Variants in PRKG1 observed in about 807,000 individuals in gnomAD.
PRKG1 encodes the protein protein kinase cGMP-dependent 1.
PRKG1 carries 35 observed loss-of-function variants against 88.1 expected under a neutral mutation model. The observed-to-expected ratio is 0.40, with a 90% CI of 0.30 to 0.53. The LOEUF (loss-of-function observed/expected upper bound fraction) is 0.53, where lower values mean the gene tolerates loss of function less well. Among genes scored for constraint, PRKG1 ranks in the 20% least tolerant of loss-of-function variants. The pLI, the probability that PRKG1 is intolerant of heterozygous loss-of-function variation, is 0.59. For synonymous variants in PRKG1, 303 were observed against 292.5 expected, an observed-to-expected ratio of 1.04 and a Z score of -0.37; for missense variants, 540 against 839.8, an observed-to-expected ratio of 0.64 and a Z score of 4.41.
intron 9 of PRKG1, among the ~76,000 whole-genome samples, chr10:52,172,537 G>A (rs991044739): frequency 4.6e-5 from 7 of 152,082 alleles, no homozygotes; most frequent in African/African-American, 1.7e-4. Flanking sequence ...CCTATTTACA[G>A]TACAGTACTT....
intron 4 of PRKG1, among the ~76,000 whole-genome samples, chr10:51,825,349 T>C (rs892139797): frequency 5.3e-5 from 8 of 152,186 alleles, no homozygotes; most frequent in Non-Finnish European, 1.0e-4. Context: ...TCTCCTGTTA[T>C]CTGATCTTTG....
At chr10:51,138,306 A>T (rs1033229885) in intron 1 of PRKG1, among the ~76,000 whole-genome samples, 1 of 152,200 alleles carries the variant, frequency 6.6e-6, no homozygotes, top group African/African-American at 2.4e-5. Flanking sequence ...TGGTGCAGTC[A>T]TTCTTCTGAA....
At chr10:51,596,604 A>G (rs1393362715) in intron 3 of PRKG1, among the ~76,000 whole-genome samples, 1 of 152,098 alleles carries the variant, frequency 6.6e-6, no homozygotes, top group Non-Finnish European at 1.5e-5. Context: ...TTTATTTCTC[A>G]GTAGGTTTAT....
At chr10:51,647,164 A>C (rs1197922999) in intron 3 of PRKG1, among the ~76,000 whole-genome samples, 1 of 151,842 alleles carries the variant, frequency 6.6e-6, no homozygotes, top group East Asian at 1.9e-4. Flanking sequence ...AAAAAAAAAA[A>C]AAACTGGGGT....
intron 3 of PRKG1, among the ~76,000 whole-genome samples, chr10:51,497,338 A>T (rs1407732322): frequency 1.3e-5 from 2 of 152,184 alleles, no homozygotes; most frequent in Admixed American, 6.5e-5. Context: ...CAATCATTTG[A>T]TAAACACTAA....
chr10:51,428,354 G>C (rs1361742357), intron 2 of PRKG1, among the ~76,000 whole-genome samples: 1 of 152,132 alleles, frequency 6.6e-6, no homozygotes. Context: ...CCAAAGTTTA[G>C]CTTCTTGGAA....
chr10:51,005,043 G>A (rs1006636481), intron 1 of PRKG1, among the ~76,000 whole-genome samples: 3 of 152,016 alleles, frequency 2.0e-5, no homozygotes. Context: ...CCTCGGTAGA[G>A]ATTTCATTTC....
In PRKG1 at chr10:51,742,932, C is replaced by A. The variant is rs534631122; in HGVS notation, c.593-61653C>A. Among the ~76,000 whole-genome samples the A allele has an allele frequency of 4.6e-5, 7 of 152,118 alleles. No individual in the cohort carries two copies. The South Asian group carries it at 1.2e-3, about 27-fold the overall frequency. ...CATTAGGACAAATACCTAATGCATG[C>A]AGGGCTTAAAACCTAGATGACAGGT... On this transcript the variant is annotated intron_variant, in intron 3 of 17. Transcript: ENST00000373980.
intron 3 of PRKG1, among the ~76,000 whole-genome samples, chr10:51,667,800 G>T (rs1054400858): frequency 2.0e-5 from 3 of 152,098 alleles, no homozygotes; most frequent in Admixed American, 1.3e-4. Context: ...GGCATCATTT[G>T]TCTTTTCCTA....
chr10:52,033,951 A>C (rs1845536570), intron 5 of PRKG1, among the ~76,000 whole-genome samples: 1 of 141,422 alleles, frequency 7.1e-6, no homozygotes, highest in Non-Finnish European at 1.5e-5. Flanking sequence ...GGCAGGCAGC[A>C]GTGGGGGTCG....
At chr10:51,913,980 A>G (rs1261508027) in intron 5 of PRKG1, among the ~76,000 whole-genome samples, 1 of 152,190 alleles carries the variant, frequency 6.6e-6, no homozygotes, top group African/African-American at 2.4e-5. Flanking sequence ...CTGAGAGTCT[A>G]GGATGTACCT....
chr10:51,271,334 A>G (rs530296418), intron 2 of PRKG1, among the ~76,000 whole-genome samples: 31 of 151,640 alleles, frequency 2.0e-4, no homozygotes, highest in African/African-American at 6.8e-4. Flanking sequence ...GTTTAGTTCC[A>G]TCTGTTTCAT....
chr10:51,738,386 A>AT (rs930890869), intron 3 of PRKG1, among the ~76,000 whole-genome samples: 2 of 152,092 alleles, frequency 1.3e-5, no homozygotes, highest in African/African-American at 4.8e-5. Flanking sequence ...CTGAGTTCAA[A>AT]TTCTATTTGT....
chr10:51,626,538 T>G, intron 3 of PRKG1, among the ~76,000 whole-genome samples: 1 of 152,204 alleles, frequency 6.6e-6, no homozygotes, highest in South Asian at 2.1e-4. Flanking sequence ...TTTTTTAACT[T>G]TTGTCCAAAC....
At chr10:51,585,066 T>C (rs1025199839) in intron 3 of PRKG1, among the ~76,000 whole-genome samples, 3 of 152,102 alleles carry the variant, frequency 2.0e-5, no homozygotes, top group Admixed American at 1.3e-4. Context: ...CACCATTCAA[T>C]AGGACTCCTG....
At chr10:51,668,745 T>A (rs1256114771) in intron 3 of PRKG1, among the ~76,000 whole-genome samples, 9 of 152,154 alleles carry the variant, frequency 5.9e-5, no homozygotes, top group Admixed American at 5.9e-4. Context: ...ATATATGAGT[T>A]TTAGAGTAAC....
chr10:51,571,537 T>C (rs190274876), intron 3 of PRKG1, among the ~76,000 whole-genome samples: 23 of 151,892 alleles, frequency 1.5e-4, no homozygotes, highest in African/African-American at 5.5e-4. Flanking sequence ...AAATGTTTCA[T>C]GAGGGGGTGA....
intron 2 of PRKG1, among the ~76,000 whole-genome samples, chr10:51,192,982 A>C (rs74133525): frequency 0.053 from 8,073 of 152,102 alleles, 400 homozygotes; most frequent in African/African-American, 0.13. Context: ...CAATCATTTT[A>C]ATATAGCTAT....
chr10:51,318,367 A>T (rs1841373655), intron 2 of PRKG1, among the ~76,000 whole-genome samples: 1 of 152,220 alleles, frequency 6.6e-6, no homozygotes, highest in Non-Finnish European at 1.5e-5. Flanking sequence ...TATCATGAAG[A>T]TTAAATAAAA....
Sources: gnomAD v4.1 joint callset for allele counts (sites outside exome capture counted in the v4.1 genomes callset) on GRCh38, gnomAD v4.1.1 for gene constraint, MANE v1.5 for transcripts, NCBI Gene and HGNC (gene_info 2026-07-23, HGNC 2026-07-21) for gene names.